DHCR7: variants seen among roughly 807,000 people sequenced by gnomAD.
The protein encoded by DHCR7 is 7-DHC reductase.
A neutral mutation model predicts 43.3 loss-of-function variants in DHCR7; 40 were observed. That is an observed-to-expected ratio of 0.92 (90% CI 0.72 to 1.20). DHCR7 has a LOEUF of 1.20. Ranked by LOEUF, DHCR7 falls within the 50% of genes most tolerant of loss-of-function variation. The pLI, the probability that DHCR7 is intolerant of heterozygous loss-of-function variation, is 0.00. For synonymous variants in DHCR7, 298 were observed against 271.4 expected, an observed-to-expected ratio of 1.10 and a Z score of -0.96; for missense variants, 608 against 644.6, an observed-to-expected ratio of 0.94 and a Z score of 0.62.
At chr11:71,427,526 A>G (rs931864052), downstream of DHCR7, among the ~76,000 whole-genome samples, 19 of 152,208 alleles carry the variant, frequency 1.2e-4, no homozygotes, top group African/African-American at 4.6e-4. Context: ...AAATTCACTT[A>G]TTAGTTCTAG....
At chr11:71,444,716 C>G in intron 3 of DHCR7, 139 bp downstream of exon 3, 1 of 700,334 alleles carries the variant, frequency 1.4e-6, no homozygotes, top group Admixed American at 2.7e-5. Flanking sequence ...AACTGTTTAC[C>G]TTTCATTAGT....
At chr11:71,438,049 T>C (rs1949307138) in intron 7 of DHCR7, 106 bp from the exon 8 acceptor site, 14 of 1,362,670 alleles carry the variant, frequency 1.0e-5, no homozygotes, top group Non-Finnish European at 1.4e-5. Flanking sequence ...GCTCGGGAGC[T>C]GCTCAGCAAC....
chr11:71,443,531 C>T lies in DHCR7; in HGVS notation c.321+462G>A, dbSNP rs551133432. Among the ~76,000 whole-genome samples the T allele has an allele frequency of 9.2e-5, 14 of 152,298 alleles. No homozygotes were observed. In the South Asian group the frequency reaches 1.2e-3, roughly 14 times the overall value. On this transcript the variant is annotated intron_variant, in intron 4 of 8. Transcript: ENST00000355527. The stretch of plus-strand genomic sequence containing the variant: ...AGTGGGGACACCATGGAGCTGAGGA[C>T]GTCCTGGACCTGCCTCGACTGCCTG...
At chr11:71,427,556 C>A (rs1173847884), downstream of DHCR7, among the ~76,000 whole-genome samples, 1 of 152,092 alleles carries the variant, frequency 6.6e-6, no homozygotes, top group African/African-American at 2.4e-5. Context: ...TTGTAGACTT[C>A]TTAGGATTTT....
rs1320356057 is a variant in DHCR7 at position 71,437,890 on chromosome 11, A to G, written c.885T>C (p.Ile295=). 2 of 1,613,860 alleles carry G rather than the reference A, an allele frequency of 1.2e-6. No individual in the cohort carries two copies. The highest frequency in any genetic ancestry group is 2.7e-5 in the African/African-American group (2 of 74,926). The part of the protein sequence containing the change: ...FWNETWYLKT[I]DICHDHFGWY... The stretch of plus-strand genomic sequence containing the variant: ...ACCCGAAGTGGTCATGGCAGATGTC[A>G]ATGGTCTTCAGGTACCAGGTTTCGT... Residue 295 remains isoleucine, a synonymous_variant, in exon 8 of 9, where the codon ATT becomes ATC. Coordinates refer to ENST00000355527, the MANE Select transcript of DHCR7 (RefSeq NM_001360.3).
Position 71,443,869 on chromosome 11 carries a change from G to T in DHCR7, c.321+124C>A. On this transcript the variant is annotated intron_variant, in intron 4 of 8. Transcript: ENST00000355527. ...CAGAGTCCAGGGAATGCCCTGCTGG[G>T]TCCCGGGAACCCAGATGTCAACCTG... The T allele has an allele frequency of 4.1e-6, 3 of 728,400 alleles. No individual in the cohort carries two copies. The South Asian group carries it at 5.5e-5, about 13-fold the overall frequency. 45.1% of individuals were successfully genotyped at this position (728,400 alleles called of 1,614,324 possible).
At chr11:71,429,517 G>A (rs577141950), downstream of DHCR7, among the ~76,000 whole-genome samples, 38 of 152,332 alleles carry the variant, frequency 2.5e-4, no homozygotes, top group South Asian at 7.9e-3. Context: ...ACATTTCATG[G>A]GCACAGCCAC....
chr11:71,427,572 T>C (rs1949206157), downstream of DHCR7, among the ~76,000 whole-genome samples: 1 of 152,216 alleles, frequency 6.6e-6, no homozygotes, highest in Non-Finnish European at 1.5e-5. Context: ...ATTTTCTGCA[T>C]AACTATTGTG....
chr11:71,437,778 T>G (rs1434474014), intron 8 of DHCR7, 34 bp downstream of exon 8: 12 of 1,613,178 alleles, frequency 7.4e-6, no homozygotes, highest in Non-Finnish European at 1.0e-5. Context: ...GTCTGCCAAA[T>G]GCCCCGCTGG....
chr11:71,444,978 G>C lies in DHCR7; in HGVS notation c.-6-20C>G. On this transcript the variant is annotated intron_variant, in intron 2 of 8. Transcript: ENST00000355527. ...TGGGCCCTGCAAGAAAGAGAACCTT[G>C]CTTACATTATCCCTCAAATAACAGA... 1 of 1,598,890 alleles carries C rather than the reference G, an allele frequency of 6.3e-7. No individual in the cohort carries two copies.
At chr11:71,431,419 C>T (rs1013297112), downstream of DHCR7, among the ~76,000 whole-genome samples, 4 of 152,288 alleles carry the variant, frequency 2.6e-5, no homozygotes, top group Non-Finnish European at 5.9e-5. Flanking sequence ...TGCCTCCTGT[C>T]GCTATCACTG....
At chr11:71,433,880 G>A (rs780765348), downstream of DHCR7, among the ~76,000 whole-genome samples, 6 of 152,232 alleles carry the variant, frequency 3.9e-5, no homozygotes, top group Non-Finnish European at 8.8e-5. Flanking sequence ...TCCTCAAACA[G>A]GTAGTGGTGG....
At position 71,435,452 on chromosome 11, in the gene DHCR7, A is replaced by G. The variant is rs761458977; in HGVS notation, c.1351T>C (p.Cys451Arg). ...CAGTCCCGGCCGTACTTGCTGGCGC[A>G]GCGGTGCTCGTCCCGGAGGCAGCGG... ...THRCLRDEHRCASKYGRDWER... is the reference protein window; with the variant it reads ...THRCLRDEHRRASKYGRDWER... Residue 451 changes from cysteine to arginine, a missense_variant, in exon 9 of 9, where the codon TGC becomes CGC. Coordinates refer to ENST00000355527, the MANE Select transcript of DHCR7 (RefSeq NM_001360.3). The G allele has an allele frequency of 1.2e-6, 2 of 1,612,600 alleles. No individual in the cohort carries two copies. The highest frequency in any genetic ancestry group is 1.7e-6 in the Non-Finnish European group (2 of 1,180,000).
downstream of DHCR7, among the ~76,000 whole-genome samples, chr11:71,433,163 C>G (rs1949239222): frequency 6.6e-6 from 1 of 152,224 alleles, no homozygotes; most frequent in Non-Finnish European, 1.5e-5. Context: ...GTCCTTCATT[C>G]TGGAAGGGGG....
chr11:71,444,341 A>T lies in DHCR7; in HGVS notation c.99-126T>A, dbSNP rs962775916. ...CCAGTACCCCATGACAGAAGGCATTAGCTCCTAGCACGGGCCCTCCTTGCG... is the reference window on the plus strand; with the variant it reads ...CCAGTACCCCATGACAGAAGGCATTTGCTCCTAGCACGGGCCCTCCTTGCG... On this transcript the variant is annotated intron_variant, in intron 3 of 8. Coordinates refer to ENST00000355527, the MANE Select transcript of DHCR7 (RefSeq NM_001360.3). The T allele has an allele frequency of 1.1e-5, 9 of 789,588 alleles. No homozygotes were observed. In the African/African-American group the frequency reaches 1.4e-4, roughly 12 times the overall value. The allele number at this position is 789,588 out of a possible 1,614,324, so 48.9% of individuals were successfully genotyped here. A position where few individuals can be genotyped will look rare whatever the true frequency, so the allele number is the denominator to read the frequency against.
At chr11:71,444,479 C>G (rs1230669324) in intron 3 of DHCR7, among the ~76,000 whole-genome samples, 1 of 152,166 alleles carries the variant, frequency 6.6e-6, no homozygotes, top group African/African-American at 2.4e-5. Flanking sequence ...GTAGGTCTTT[C>G]ACAACCACCA....
Position 71,435,419 on chromosome 11 carries a change from A to G in DHCR7, c.1384T>C (p.Tyr462His), listed in dbSNP as rs201270451. ...AGGCGGTAAGGCACTGCGGCGGTGTAGCGCTCCCAGTCCCGGCCGTACTTG... is the reference window on the plus strand; with the variant it reads ...AGGCGGTAAGGCACTGCGGCGGTGTGGCGCTCCCAGTCCCGGCCGTACTTG... ...ASKYGRDWER[Y>H]TAAVPYRLLP... Residue 462 changes from tyrosine to histidine, a missense_variant, in exon 9 of 9, where the codon TAC becomes CAC. Physicochemically the swap from Tyr to His is moderately conservative, Grantham distance 83. Transcript: ENST00000355527. The G allele has an allele frequency of 6.2e-7, 1 of 1,612,682 alleles. No homozygotes were observed. The highest frequency in any genetic ancestry group is 8.5e-7 in the Non-Finnish European group (1 of 1,179,994).
downstream of DHCR7, among the ~76,000 whole-genome samples, chr11:71,432,344 T>C (rs928858270): frequency 2.0e-5 from 3 of 152,262 alleles, no homozygotes; most frequent in Non-Finnish European, 4.4e-5. Context: ...TCACGTGATG[T>C]TAACTTTCCT....
Position 71,444,153 on chromosome 11 carries a change from A to G in DHCR7, c.161T>C (p.Val54Ala). ...IFLLLFAPFI[V>A]YYFIMACDQY... Reference sequence around the variant, plus strand: ...GTCACAAGCCATGATGAAGTAGTAGACGATGAAGGGGGCGAACAGCAGTAG... The same window carrying G: ...GTCACAAGCCATGATGAAGTAGTAGGCGATGAAGGGGGCGAACAGCAGTAG... The change falls in exon 4 of 9, where the codon GTC becomes GCC. Residue 54 changes from valine to alanine, a missense_variant. Physicochemically the swap from Val to Ala is moderately conservative, Grantham distance 64. Coordinates refer to ENST00000355527, the MANE Select transcript of DHCR7 (RefSeq NM_001360.3). 6.2e-7 allele frequency: 1 copy of G among 1,611,264 alleles called. No individual in the cohort carries two copies. The highest frequency in any genetic ancestry group is 8.5e-7 in the Non-Finnish European group (1 of 1,178,600).
Sources: allele counts gnomAD v4.1 joint callset (sites outside exome capture counted in the v4.1 genomes callset), GRCh38; gene constraint gnomAD v4.1.1; transcripts MANE v1.5; gene names NCBI Gene and HGNC (gene_info 2026-07-23, HGNC 2026-07-21).